SNX13: variants seen among roughly 807,000 people sequenced by gnomAD.
The protein encoded by SNX13 is sorting nexin 13.
A neutral mutation model predicts 133.6 loss-of-function variants in SNX13; 45 were observed. The ratio of observed to expected loss-of-function variants is 0.34; its 90% CI spans 0.27 to 0.43. The LOEUF (loss-of-function observed/expected upper bound fraction) is 0.43, where lower values mean the gene tolerates loss of function less well. Among genes scored for constraint, SNX13 ranks in the 20% least tolerant of loss-of-function variants. The pLI, the probability that SNX13 is intolerant of heterozygous loss-of-function variation, is 1.00. For missense variants in SNX13, 1,032 were observed against 1,145.1 expected (o/e 0.90, Z 1.43); for synonymous variants, 414 against 373.9 (o/e 1.11, Z -1.24).
chr7:17,899,399 T>C (rs1397369198), intron 1 of SNX13: 1 of 152,180 alleles, frequency 6.6e-6, no homozygotes, highest in African/African-American at 2.4e-5. Context: ...ATAAATTTTC[T>C]ACGCCTAACT....
chr7:17,917,416 G>A (rs1486800252), intron 1 of SNX13, among the ~76,000 whole-genome samples: 10 of 152,100 alleles, frequency 6.6e-5, no homozygotes, highest in Non-Finnish European at 2.9e-5. Flanking sequence ...AAACTCTAAA[G>A]ATTCTGCCAA....
chr7:17,833,736 T>A (rs1461055178), intron 15 of SNX13, among the ~76,000 whole-genome samples: 1 of 151,712 alleles, frequency 6.6e-6, no homozygotes, highest in Non-Finnish European at 1.5e-5. Context: ...ATAATTCTAT[T>A]GTTAATCATG....
chr7:17,885,690 T>G (rs992121021), intron 5 of SNX13, among the ~76,000 whole-genome samples: 12 of 151,860 alleles, frequency 7.9e-5, no homozygotes, highest in African/African-American at 2.7e-4. Context: ...TAGCCGGGAG[T>G]GGCAGCGTGC....
At position 17,834,801 on chromosome 7, in the gene SNX13, T is replaced by C. The variant is rs1332074771; in HGVS notation, c.1424A>G (p.Glu475Gly). 3.7e-6 allele frequency: 6 copies of C among 1,610,038 alleles called. No individual in the cohort carries two copies. The Admixed American group carries it at 5.0e-5, about 13-fold the overall frequency. ...VAKLADTLNH[E>G]DPTPEIFDDI... ...ATCAAAGATTTCAGGGGTTGGATCT[T>C]CATGATTCAAAGTATCTGCTAATTT... The change falls in exon 14 of 26, where the codon GAA (glutamate) becomes GGA (glycine). Residue 475 changes from glutamate (E) to glycine (G), a missense_variant. Glu to Gly is a moderately conservative substitution (Grantham distance 98). Transcript: ENST00000428135.
At chr7:17,897,525 A>C in intron 1 of SNX13, 79 bp from the exon 2 acceptor site, 1 of 747,950 alleles carries the variant, frequency 1.3e-6, no homozygotes, top group Non-Finnish European at 2.0e-6. Context: ...AAACTTTTAC[A>C]TAGTTTTAAA....
chr7:17,923,859 G>T (rs1312459436), intron 1 of SNX13, among the ~76,000 whole-genome samples: 1 of 152,136 alleles, frequency 6.6e-6, no homozygotes, highest in South Asian at 2.1e-4. Flanking sequence ...ATTCGACACT[G>T]CTACAAAGTA....
rs533679761 is a variant in SNX13, at chr7:17,914,211, A to C, written c.13-16765T>G. ...AGAATTTAAGGAAATGGGAGAAAAA[A>C]AAAAAGACTTCGAGAAATACAGGAT... is the stretch of plus-strand genomic sequence containing the variant. On this transcript the variant is annotated intron_variant, in intron 1 of 25. Transcript: ENST00000428135. Among the ~76,000 whole-genome samples the C allele has an allele frequency of 9.9e-3, 1,511 of 152,048 alleles. 12 individuals are homozygous for C. The highest frequency in any genetic ancestry group is 0.017 in the Middle Eastern group (5 of 294).
At chr7:17,916,894 C>T (rs964515819) in intron 1 of SNX13, among the ~76,000 whole-genome samples, 5 of 152,076 alleles carry the variant, frequency 3.3e-5, no homozygotes, top group African/African-American at 1.2e-4. Context: ...CCCTTATGAA[C>T]ACAGATGCAA....
At chr7:17,849,740 C>T (rs913409996) in intron 11 of SNX13, among the ~76,000 whole-genome samples, 3 of 152,168 alleles carry the variant, frequency 2.0e-5, no homozygotes, top group African/African-American at 4.8e-5. Flanking sequence ...CCTGCATTTG[C>T]TCTCATGACT....
intron 1 of SNX13, among the ~76,000 whole-genome samples, chr7:17,907,888 A>G (rs1389805870): frequency 6.6e-6 from 1 of 152,142 alleles, no homozygotes; most frequent in Non-Finnish European, 1.5e-5. Context: ...TAGATATGCA[A>G]TCCTTGAGTT....
At chr7:17,824,754 T>C (rs779320871) in intron 17 of SNX13, among the ~76,000 whole-genome samples, 34 of 150,408 alleles carry the variant, frequency 2.3e-4, no homozygotes, top group Non-Finnish European at 4.7e-4. Context: ...TATTTACATA[T>C]GTTTGTCAGG....
chr7:17,803,530 A>G lies in SNX13; in HGVS notation c.2115T>C (p.Asn705=), dbSNP rs753090273. The change falls in exon 21 of 26, where the codon AAT becomes AAC. Residue 705 remains asparagine, a synonymous_variant. Transcript: ENST00000428135. ...AGCTATCAGGAAGGGATTTAACTGC[A>G]TTTGAAACATTCCTCATTGAATTGC... is the stretch of plus-strand genomic sequence containing the variant. ...PLRNSMRNVS[N]AVKSLPDSLA... 20 of 1,611,952 alleles carry G rather than the reference A, an allele frequency of 1.2e-5. No homozygotes were observed. The highest frequency in any genetic ancestry group is 1.6e-5 in the Non-Finnish European group (19 of 1,179,028).
At chr7:17,861,904 C>T (rs1792752865) in intron 9 of SNX13, among the ~76,000 whole-genome samples, 1 of 152,158 alleles carries the variant, frequency 6.6e-6, no homozygotes, top group South Asian at 2.1e-4. Flanking sequence ...AACAAACTTC[C>T]ACTCCTGCTC....
At chr7:17,877,045 G>GAAAAAAAAAAAAAAAAAAAAAAAAAAA (rs57618763) in intron 5 of SNX13, among the ~76,000 whole-genome samples, 1 of 60,070 alleles carries the variant, frequency 1.7e-5, no homozygotes, top group African/African-American at 5.2e-5. Context: ...GTTACTTTTT[G>GAAAAAAAAAAAAAAAAAAAAAAAAAAA]AAAAAAAAAA....
chr7:17,832,499 A>C (rs888072516), intron 15 of SNX13: 1 of 982,198 alleles, frequency 1.0e-6, no homozygotes, highest in Non-Finnish European at 1.2e-6. Context: ...AATACGAAGA[A>C]ATTTCTAAAA....
intron 5 of SNX13, chr7:17,879,795 G>A (rs1210449623): frequency 6.6e-6 from 1 of 152,126 alleles, no homozygotes; most frequent in African/African-American, 2.4e-5. Flanking sequence ...TCTAACAAAA[G>A]ACTCCCCCAA....
chr7:17,845,756 A>C, intron 11 of SNX13, 62 bp from the exon 12 acceptor site: 4 of 1,155,824 alleles, frequency 3.5e-6, no homozygotes, highest in Non-Finnish European at 4.9e-6. Context: ...AAAGATGTGT[A>C]CATAAATATA....
intron 18 of SNX13, among the ~76,000 whole-genome samples, chr7:17,817,862 G>A (rs1313295994): frequency 6.6e-6 from 1 of 152,024 alleles, no homozygotes; most frequent in Non-Finnish European, 1.5e-5. Flanking sequence ...TATTTTTCCT[G>A]GTATTACCAA....
chr7:17,913,407 C>T (rs1295739678), intron 1 of SNX13, among the ~76,000 whole-genome samples: 1 of 152,176 alleles, frequency 6.6e-6, no homozygotes, highest in African/African-American at 2.4e-5. Flanking sequence ...AGCACACCCT[C>T]ACCAAAGGTG....
Sources: allele counts gnomAD v4.1 joint callset (sites outside exome capture counted in the v4.1 genomes callset), GRCh38; gene constraint gnomAD v4.1.1; transcripts MANE v1.5; gene names NCBI Gene and HGNC (gene_info 2026-07-23, HGNC 2026-07-21).